Variants in SNX8 observed in about 807,000 individuals in gnomAD.
SNX8 encodes the protein sorting nexin-8.
In SNX8, 25 loss-of-function variants were observed where a neutral mutation model predicts 51.6. The ratio of observed to expected loss-of-function variants is 0.48; its 90% CI spans 0.35 to 0.68. The LOEUF (loss-of-function observed/expected upper bound fraction) is 0.68. Among genes scored for constraint, SNX8 ranks in the 30% least tolerant of loss-of-function variants. SNX8 has a pLI of 0.00. For missense variants in SNX8, 695 were observed against 624.0 expected, an observed-to-expected ratio of 1.11 and a Z score of -1.21; for synonymous variants, 324 against 277.0, an observed-to-expected ratio of 1.17 and a Z score of -1.68.
intron 1 of SNX8, among the ~76,000 whole-genome samples, chr7:2,327,355 T>A (rs1378868546): frequency 6.6e-6 from 1 of 151,984 alleles, no homozygotes; most frequent in Non-Finnish European, 1.5e-5. Flanking sequence ...TTCTCCTGCC[T>A]AAGCCTCCCA....
At chr7:2,275,697 G>A (rs1795761900) in intron 2 of SNX8, among the ~76,000 whole-genome samples, 4 of 145,778 alleles carry the variant, frequency 2.7e-5, no homozygotes, top group Admixed American at 2.1e-4. Context: ...GCGAGACCTT[G>A]TCTTAAAAAA....
chr7:2,261,519 G>A (rs1795336249), intron 7 of SNX8, among the ~76,000 whole-genome samples: 1 of 152,236 alleles, frequency 6.6e-6, no homozygotes, highest in Admixed American at 6.5e-5. Flanking sequence ...GAGGCCTGGA[G>A]ACCAGAATAG....
chr7:2,267,960 C>G (rs1232071824), intron 5 of SNX8, among the ~76,000 whole-genome samples: 1 of 137,696 alleles, frequency 7.3e-6, no homozygotes. Context: ...GCCTCTGCCC[C>G]GCCGCCCCAT....
At chr7:2,296,767 C>T (rs1796282014) in intron 1 of SNX8, among the ~76,000 whole-genome samples, 1 of 151,186 alleles carries the variant, frequency 6.6e-6, no homozygotes, top group Non-Finnish European at 1.5e-5. Flanking sequence ...CCCATCTCTA[C>T]AAAAATACAA....
At chr7:2,267,769 G>A (rs1390885488) in intron 5 of SNX8, among the ~76,000 whole-genome samples, 3 of 131,166 alleles carry the variant, frequency 2.3e-5, no homozygotes, top group South Asian at 5.5e-4. Context: ...CTGCCTGGCC[G>A]CCCATCGTCT....
chr7:2,331,484 T>C (rs1778735631), intron 1 of SNX8, among the ~76,000 whole-genome samples: 1 of 151,824 alleles, frequency 6.6e-6, no homozygotes, highest in African/African-American at 2.4e-5. Context: ...AGAGGGCAGA[T>C]CACGAGGTCA....
At chr7:2,322,420 C>T (rs906282440) in intron 1 of SNX8, among the ~76,000 whole-genome samples, 11 of 151,850 alleles carry the variant, frequency 7.2e-5, no homozygotes, top group Admixed American at 4.6e-4. Context: ...GCTGGCTGGG[C>T]GCCGTGGCTC....
chr7:2,334,126 T>C (rs150485927), intron 1 of SNX8, among the ~76,000 whole-genome samples: 1,712 of 152,170 alleles, frequency 0.011, 42 homozygotes, highest in African/African-American at 0.035. Flanking sequence ...TTAAAAAGGC[T>C]GGGCACAGGC....
intron 2 of SNX8, among the ~76,000 whole-genome samples, chr7:2,275,786 C>T (rs1296873638): frequency 6.6e-6 from 1 of 151,762 alleles, no homozygotes; most frequent in Non-Finnish European, 1.5e-5. Flanking sequence ...ATCATGAGGT[C>T]AGGAGATCGA....
intron 1 of SNX8, among the ~76,000 whole-genome samples, chr7:2,305,337 G>C (rs748995949): frequency 2.0e-5 from 3 of 152,084 alleles, no homozygotes; most frequent in East Asian, 1.9e-4. Flanking sequence ...AGGAACCTCA[G>C]GTTTTCCCCC....
chr7:2,275,087 C>T (rs138245687), intron 3 of SNX8, 25 bp downstream of exon 3: 9 of 1,519,078 alleles, frequency 5.9e-6, no homozygotes, highest in East Asian at 2.2e-5. Context: ...CCTCCGCCCC[C>T]GGTGGGCAGC....
At chr7:2,338,036 T>G (rs963493119) in intron 1 of SNX8, among the ~76,000 whole-genome samples, 1 of 152,114 alleles carries the variant, frequency 6.6e-6, no homozygotes, top group African/African-American at 2.4e-5. Context: ...TAATAAAGAC[T>G]GCGAAAGGGC....
intron 1 of SNX8, among the ~76,000 whole-genome samples, chr7:2,338,957 C>A (rs1347206417): frequency 2.0e-5 from 3 of 152,166 alleles, no homozygotes; most frequent in Non-Finnish European, 4.4e-5. Context: ...GTCACCCAGG[C>A]TGGAGTGCAC....
chr7:2,283,055 A>G (rs1416030266), intron 1 of SNX8, among the ~76,000 whole-genome samples: 1 of 151,846 alleles, frequency 6.6e-6, no homozygotes, highest in Admixed American at 6.6e-5. Context: ...CGGGAGGCGG[A>G]GCTTGCAGTG....
chr7:2,336,461 C>G (rs1030297211), intron 1 of SNX8, among the ~76,000 whole-genome samples: 5 of 152,114 alleles, frequency 3.3e-5, no homozygotes, highest in Non-Finnish European at 7.3e-5. Flanking sequence ...GTAATCCTAG[C>G]ACTTTGGGAG....
upstream of SNX8, among the ~76,000 whole-genome samples, chr7:2,316,060 TACC>T (rs1796750653): frequency 1.1e-5 from 1 of 93,798 alleles, no homozygotes; most frequent in African/African-American, 4.1e-5. Context: ...TTCATTCATC[TACC>T]CACCCACTCA....
At chr7:2,273,679 G>A (rs1370085271) in intron 3 of SNX8, among the ~76,000 whole-genome samples, 2 of 151,518 alleles carry the variant, frequency 1.3e-5, no homozygotes, top group Non-Finnish European at 2.9e-5. Context: ...TGAGGTGCGC[G>A]GATCACGAGG....
At chr7:2,264,718 T>A (rs932216138) in intron 5 of SNX8, among the ~76,000 whole-genome samples, 13 of 152,148 alleles carry the variant, frequency 8.5e-5, no homozygotes, top group African/African-American at 2.9e-4. Flanking sequence ...TGAAATCTCA[T>A]CACACTGGAG....
chr7:2,285,302 T>C (rs1796002898), intron 1 of SNX8, among the ~76,000 whole-genome samples: 1 of 151,710 alleles, frequency 6.6e-6, no homozygotes, highest in Non-Finnish European at 1.5e-5. Context: ...GGCAGGAGAA[T>C]TGCTTGAACC....
Sources: gnomAD v4.1 joint callset for allele counts (sites outside exome capture counted in the v4.1 genomes callset) on GRCh38, gnomAD v4.1.1 for gene constraint, MANE v1.5 for transcripts, NCBI Gene and HGNC (gene_info 2026-07-23, HGNC 2026-07-21) for gene names.